Variants in PDCD4 observed in about 807,000 individuals in gnomAD.
The protein encoded by PDCD4 is programmed cell death 4.
A neutral mutation model predicts 54.0 loss-of-function variants in PDCD4; 56 were observed. That is an observed-to-expected ratio of 1.04 (90% CI 0.84 to 1.30). PDCD4 has a LOEUF of 1.30. Ranked by LOEUF, PDCD4 falls within the 50% of genes most tolerant of loss-of-function variation. The probability of loss-of-function intolerance (pLI) is 0.00; values close to 1 mark genes in which losing one functional copy is unlikely to be tolerated. For synonymous variants in PDCD4, 186 were observed against 194.8 expected (o/e 0.95, Z 0.37); for missense variants, 584 against 559.8 (o/e 1.04, Z -0.44).
intron 5 of PDCD4, 49 bp from the exon 6 acceptor site, chr10:110,887,616 T>TATA (rs1845687542): frequency 2.3e-6 from 3 of 1,305,840 alleles, no homozygotes; most frequent in Non-Finnish European, 3.3e-6. Flanking sequence ...TATTGAACTA[T>TATA]AGGTAGTGAT....
rs927321636 is a variant in PDCD4 at position 110,890,684 on chromosome 10, A to G, written c.990+14A>G. 1 of 1,508,654 alleles carries G rather than the reference A, an allele frequency of 6.6e-7. No individual in the cohort carries two copies. The highest frequency in any genetic ancestry group is 1.1e-5 in the South Asian group (1 of 87,684). The allele number at this position is 1,508,654 out of a possible 1,614,324, so 93.5% of individuals were successfully genotyped here. On this transcript the variant is annotated intron_variant, in intron 8 of 11. Coordinates refer to ENST00000280154, the MANE Select transcript of PDCD4 (RefSeq NM_014456.5). ...CTTGTTAAAGAGGTAATGATTGGGT[A>G]TTGTTTTTAACTTAATTTATATGTA...
Position 110,889,611 on chromosome 10 carries a change from G to C in PDCD4, c.856G>C (p.Val286Leu), listed in dbSNP as rs1279499972. The C allele has an allele frequency of 9.4e-6, 15 of 1,590,196 alleles. No individual in the cohort carries two copies. The highest frequency in any genetic ancestry group is 1.2e-5 in the Non-Finnish European group (14 of 1,159,048). ...CTATATTGATAGTTACAAAGGAACTGTAGATTGTGTGCAGGCTAGGTAAGT... is the reference window on the plus strand; with the variant it reads ...CTATATTGATAGTTACAAAGGAACTCTAGATTGTGTGCAGGCTAGGTAAGT... ...NTYIDSYKGT[V>L]DCVQARAALD... The change falls in exon 7 of 12, where the codon GTA (valine) becomes CTA (leucine). Residue 286 changes from valine (V) to leucine (L), a missense_variant. Transcript: ENST00000280154.
intron 8 of PDCD4, among the ~76,000 whole-genome samples, chr10:110,893,043 A>G (rs1797939328): frequency 6.6e-6 from 1 of 152,122 alleles, no homozygotes. Context: ...GCTATACCAT[A>G]TAGCACTGGT....
At position 110,899,526 on chromosome 10, in the gene PDCD4, G is replaced by C. The variant is rs188713884; in HGVS notation, c.*1438G>C. The C allele has an allele frequency of 6.6e-6, 1 of 152,198 alleles. No homozygotes were observed. The highest frequency in any genetic ancestry group is 1.5e-5 in the Non-Finnish European group (1 of 68,076). 9.4% of individuals were successfully genotyped at this position (152,198 alleles called of 1,614,324 possible). The stretch of plus-strand genomic sequence containing the variant: ...AAAATGAGATTTAAGGGCTGGGCAC[G>C]GTGGCTCATGCCTGTAATCCCAGCA... On this transcript the variant is annotated 3_prime_UTR_variant, in exon 12 of 12. Transcript: ENST00000280154.
At chr10:110,882,765 A>G (rs1020058753) in intron 3 of PDCD4, among the ~76,000 whole-genome samples, 1 of 152,024 alleles carries the variant, frequency 6.6e-6, no homozygotes, top group Non-Finnish European at 1.5e-5. Context: ...TTTTGCTTTT[A>G]TTTTAAAGCA....
intron 3 of PDCD4, 46 bp from the exon 4 acceptor site, chr10:110,882,957 T>C: frequency 9.0e-7 from 1 of 1,108,488 alleles, no homozygotes; most frequent in South Asian, 1.3e-5. Context: ...TTTCAACAAA[T>C]TGATGAATTT....
Position 110,899,013 on chromosome 10 carries a change from C to T in PDCD4, c.*925C>T, listed in dbSNP as rs1310703143. 6.6e-6 allele frequency: 1 copy of T among 152,080 alleles called. No individual in the cohort carries two copies. The highest frequency in any genetic ancestry group is 1.5e-5 in the Non-Finnish European group (1 of 67,994). 9.4% of individuals were successfully genotyped at this position (152,080 alleles called of 1,614,324 possible). ...AAATATGTAATACCTTCCATCATTC[C>T]ATCATCCTTAAATTCTGTTACCAAA... On this transcript the variant is annotated 3_prime_UTR_variant, in exon 12 of 12. Transcript: ENST00000280154.
At position 110,894,461 on chromosome 10, in the gene PDCD4, T is replaced by C. The variant is rs1845800688; in HGVS notation, c.1148T>C (p.Ile383Thr). 6.3e-7 allele frequency: 1 copy of C among 1,574,908 alleles called. No individual in the cohort carries two copies. The highest frequency in any genetic ancestry group is 2.2e-5 in the East Asian group (1 of 44,562). Residue 383 changes from isoleucine to threonine, a missense_variant, in exon 10 of 12, where the codon ATT becomes ACT. By Grantham distance (89) the Ile-to-Thr change is moderately conservative. Transcript: ENST00000280154. ...ESTGESTFKM[I>T]LDLLKSLWKS... is the part of the protein sequence containing the mutation. ...ACTGGAGAAAGTACATTTAAGATGA[T>C]TTTGGATTTATTAAAGTCCCTTTGG...
At chr10:110,879,402 C>T (rs1278066575) in intron 2 of PDCD4, among the ~76,000 whole-genome samples, 2 of 152,146 alleles carry the variant, frequency 1.3e-5, no homozygotes, top group Non-Finnish European at 2.9e-5. Context: ...TGCGGTGGCT[C>T]ACGCCTGTAA....
rs1294681278 is a variant in PDCD4, at chr10:110,895,963, T to A, written c.1225T>A (p.Tyr409Asn). ...DQMKRGYERIYNEIPDINLDV... is the reference protein window; with the variant it reads ...DQMKRGYERINNEIPDINLDV... ...ATTGTTGTAGGGTTATGAGAGAATT[T>A]ACAATGAAATTCCGGACATTAATCT... Residue 409 changes from tyrosine to asparagine, a missense_variant, in exon 11 of 12, where the codon TAC becomes AAC. Tyr to Asn is a moderately radical substitution (Grantham distance 143). Transcript: ENST00000280154. The A allele has an allele frequency of 6.2e-7, 1 of 1,601,440 alleles. No homozygotes were observed. Among genetic ancestry groups the A allele is most frequent in the Admixed American group, 1.7e-5 (1 of 57,658 alleles).
chr10:110,891,162 T>A (rs1020455989), intron 8 of PDCD4, among the ~76,000 whole-genome samples: 1 of 152,132 alleles, frequency 6.6e-6, no homozygotes, highest in African/African-American at 2.4e-5. Context: ...CCCAGCACTT[T>A]GAGAGGCTGA....
chr10:110,891,744 A>G (rs1170830366), intron 8 of PDCD4, among the ~76,000 whole-genome samples: 2 of 152,124 alleles, frequency 1.3e-5, no homozygotes, highest in Non-Finnish European at 2.9e-5. Flanking sequence ...TTTTGCTTTT[A>G]TATATGTTAA....
chr10:110,887,686 C>G lies in PDCD4; in HGVS notation c.577C>G (p.Leu193Val). 1 of 1,611,328 alleles carries G rather than the reference C, an allele frequency of 6.2e-7. No homozygotes were observed. Among genetic ancestry groups the G allele is most frequent in the Non-Finnish European group, 8.5e-7 (1 of 1,177,786 alleles). ...EVAEMLRDLN[L>V]GEMKSGVPVL... ...ACAGGAAATGTTAAGAGATTTAAATCTTGGTGAAATGAAAAGTGGAGTACC... is the reference window on the plus strand; with the variant it reads ...ACAGGAAATGTTAAGAGATTTAAATGTTGGTGAAATGAAAAGTGGAGTACC... The change falls in exon 6 of 12, where the codon CTT (leucine) becomes GTT (valine). Residue 193 changes from leucine to valine, a missense_variant. Transcript: ENST00000280154.
Position 110,894,132 on chromosome 10 carries a change from A to G in PDCD4, c.1032A>G (p.Ile344Met). Residue 344 changes from isoleucine (I) to methionine (M), a missense_variant, in exon 9 of 12, where the codon ATA becomes ATG. Ile to Met is a conservative substitution (Grantham distance 10). Coordinates refer to ENST00000280154, the MANE Select transcript of PDCD4 (RefSeq NM_014456.5). Reference protein sequence around the residue: ...LLKEYLLSGDISEAEHCLKEL... With the variant: ...LLKEYLLSGDMSEAEHCLKEL... ...AAGAATATTTACTCTCTGGAGACATATCTGAAGCTGAACATTGCCTTAAGG... is the reference window on the plus strand; with the variant it reads ...AAGAATATTTACTCTCTGGAGACATGTCTGAAGCTGAACATTGCCTTAAGG... 1 of 1,609,754 alleles carries G rather than the reference A, an allele frequency of 6.2e-7. No individual in the cohort carries two copies. The highest frequency in any genetic ancestry group is 8.5e-7 in the Non-Finnish European group (1 of 1,176,240).
Position 110,887,572 on chromosome 10 carries a change from T to C in PDCD4, c.556-93T>C. ...CCAAAGAGTGAGACGTAGAGATATA[T>C]AGATAAAAGCTCAATTTTTCAAAAA... On this transcript the variant is annotated intron_variant, in intron 5 of 11. Transcript: ENST00000280154. 5 of 776,984 alleles carry C rather than the reference T, an allele frequency of 6.4e-6. No homozygotes were observed. The South Asian group carries it at 7.2e-5, about 11-fold the overall frequency. The allele number at this position is 776,984 out of a possible 1,614,324, so 48.1% of individuals were successfully genotyped here.
At chr10:110,887,584 C>T in intron 5 of PDCD4, 81 bp from the exon 6 acceptor site, 3 of 938,970 alleles carry the variant, frequency 3.2e-6, no homozygotes, top group Non-Finnish European at 4.8e-6. Context: ...GATAAAAGCT[C>T]AATTTTTCAA....
At chr10:110,895,592 C>T (rs766410035) in intron 10 of PDCD4, among the ~76,000 whole-genome samples, 3 of 152,138 alleles carry the variant, frequency 2.0e-5, no homozygotes, top group Non-Finnish European at 4.4e-5. Flanking sequence ...TGGGTATACA[C>T]CCAGTAATGG....
At chr10:110,886,436 T>C (rs1845670606) in intron 5 of PDCD4, among the ~76,000 whole-genome samples, 1 of 152,136 alleles carries the variant, frequency 6.6e-6, no homozygotes, top group African/African-American at 2.4e-5. Flanking sequence ...AGTGGATTAG[T>C]TGTTAAAGTG....
intron 8 of PDCD4, among the ~76,000 whole-genome samples, chr10:110,893,008 C>T (rs1845778534): frequency 6.6e-6 from 1 of 152,010 alleles, no homozygotes; most frequent in African/African-American, 2.4e-5. Context: ...ACCTGCTGTA[C>T]AGATTTGTAG....
Sources: allele counts gnomAD v4.1 joint callset (sites outside exome capture counted in the v4.1 genomes callset), GRCh38; gene constraint gnomAD v4.1.1; transcripts MANE v1.5; gene names NCBI Gene and HGNC (gene_info 2026-07-23, HGNC 2026-07-21).